Variants in ABCA8 observed in about 807,000 individuals in gnomAD.
The protein encoded by ABCA8 is ABC-type organic anion transporter ABCA8.
A neutral mutation model predicts 192.3 loss-of-function variants in ABCA8; 177 were observed. The ratio of observed to expected loss-of-function variants is 0.92; its 90% CI spans 0.81 to 1.04. The LOEUF (loss-of-function observed/expected upper bound fraction) is 1.04, where lower values mean the gene tolerates loss of function less well. ABCA8 is among the 50% of genes least tolerant of loss of function. The pLI, the probability that ABCA8 is intolerant of heterozygous loss-of-function variation, is 0.00. For missense variants in ABCA8, 1,915 were observed against 1,904.8 expected, an observed-to-expected ratio of 1.01 and a Z score of -0.10; for synonymous variants, 642 against 690.2, an observed-to-expected ratio of 0.93 and a Z score of 1.09.
intron 5 of ABCA8, among the ~76,000 whole-genome samples, chr17:68,935,552 ATATATATATATATATATT>A (rs1181336518): frequency 7.1e-6 from 1 of 140,704 alleles, no homozygotes; most frequent in Non-Finnish European, 1.5e-5. Context: ...ATATATATAT[ATATATATATATATATATT>A]ATCTTCTTTA....
chr17:68,936,434 A>AT (rs1262696892), intron 5 of ABCA8, among the ~76,000 whole-genome samples: 3 of 152,088 alleles, frequency 2.0e-5, no homozygotes, highest in South Asian at 2.1e-4. Flanking sequence ...ATTGAAAAGG[A>AT]TTTTTCCCCC....
At chr17:68,900,538 C>CAAA (rs35696026) in intron 21 of ABCA8, among the ~76,000 whole-genome samples, 38 of 108,848 alleles carry the variant, frequency 3.5e-4, no homozygotes, top group Non-Finnish European at 4.5e-4. Context: ...CACAAAGTCT[C>CAAA]AAAAAAAAAA....
chr17:68,945,056 A>G (rs1051135447), intron 2 of ABCA8: 1 of 152,260 alleles, frequency 6.6e-6, no homozygotes, highest in Non-Finnish European at 1.5e-5. Flanking sequence ...GCAAAAAGCT[A>G]TGGCAGTCTA....
chr17:68,916,679 G>A (rs2067374600), intron 17 of ABCA8, among the ~76,000 whole-genome samples: 1 of 152,078 alleles, frequency 6.6e-6, no homozygotes, highest in East Asian at 1.9e-4. Flanking sequence ...GAAAGAAGGG[G>A]AAGATCTAGA....
chr17:68,952,156 A>C (rs755549007), intron 1 of ABCA8, among the ~76,000 whole-genome samples: 3 of 152,212 alleles, frequency 2.0e-5, no homozygotes, highest in Non-Finnish European at 4.4e-5. Flanking sequence ...TCTTTTTACA[A>C]ACAAATGCCT....
chr17:68,928,560 C>T (rs1030646782), intron 9 of ABCA8, among the ~76,000 whole-genome samples: 4 of 152,136 alleles, frequency 2.6e-5, no homozygotes, highest in Admixed American at 2.6e-4. Flanking sequence ...TAATGGTTGA[C>T]ATTTCCATTT....
At chr17:68,887,890 A>ATATAT (rs1236034729) in intron 24 of ABCA8, among the ~76,000 whole-genome samples, 1 of 42,472 alleles carries the variant, frequency 2.4e-5, no homozygotes. Context: ...CCATATATAT[A>ATATAT]TATATATATA....
Position 68,902,795 on chromosome 17 carries a change from T to C in ABCA8, c.2682A>G (p.Glu894=), listed in dbSNP as rs1391290016. 1.2e-6 allele frequency: 2 copies of C among 1,613,668 alleles called. No homozygotes were observed. Among genetic ancestry groups the C allele is most frequent in the African/African-American group, 1.3e-5 (1 of 75,020 alleles). The change falls in exon 21 of 40, where the codon GAA becomes GAG. Residue 894 remains glutamate (E), a synonymous_variant. Coordinates refer to ENST00000586539, the MANE Select transcript of ABCA8 (RefSeq NM_001288985.2). ...VKIYQNSYTW[E]LSPHLYFLAP... ...CAAGGAAATACAAATGAGGAGAAAG[T>C]TCCCAGGTGTAACTGTTTTGATATA...
chr17:68,941,144 C>T (rs2068218967), intron 3 of ABCA8, among the ~76,000 whole-genome samples, 182 bp from the exon 4 acceptor site: 1 of 152,114 alleles, frequency 6.6e-6, no homozygotes, highest in Non-Finnish European at 1.5e-5. Flanking sequence ...GCATTGCTAG[C>T]TTAGTAATGA....
At chr17:68,913,325 C>G (rs2067270022) in intron 17 of ABCA8, among the ~76,000 whole-genome samples, 1 of 151,718 alleles carries the variant, frequency 6.6e-6, no homozygotes, top group African/African-American at 2.4e-5. Context: ...AACCTAACGA[C>G]ACTTCTTAAA....
intron 23 of ABCA8, 71 bp downstream of exon 23, chr17:68,894,102 G>T: frequency 6.6e-7 from 1 of 1,513,372 alleles, no homozygotes. Context: ...CAAGATTCCA[G>T]CACTTAAAAG....
At chr17:68,918,700 G>A (rs1326247041) in intron 14 of ABCA8, among the ~76,000 whole-genome samples, 154 bp from the exon 15 acceptor site, 2 of 152,136 alleles carry the variant, frequency 1.3e-5, no homozygotes, top group Admixed American at 1.3e-4. Context: ...TTGGGAGGCT[G>A]AGGCGGGCAG....
intron 2 of ABCA8, among the ~76,000 whole-genome samples, chr17:68,948,735 C>T (rs992497994): frequency 2.6e-5 from 4 of 152,136 alleles, no homozygotes; most frequent in Non-Finnish European, 5.9e-5. Flanking sequence ...TGCAGACGCT[C>T]TTTAGTTTAA....
At chr17:68,896,869 G>GA (rs1303254875) in intron 21 of ABCA8, among the ~76,000 whole-genome samples, 1 of 152,160 alleles carries the variant, frequency 6.6e-6, no homozygotes, top group Non-Finnish European at 1.5e-5. Flanking sequence ...TTGTGAAGAA[G>GA]AAAAAAGAAA....
intron 17 of ABCA8, among the ~76,000 whole-genome samples, chr17:68,908,670 G>A (rs1426804758): frequency 6.6e-6 from 1 of 152,096 alleles, no homozygotes; most frequent in Admixed American, 6.5e-5. Context: ...TCTATCCATT[G>A]AAAAATACCA....
intron 5 of ABCA8, among the ~76,000 whole-genome samples, chr17:68,935,164 G>A (rs1267141879): frequency 6.7e-6 from 1 of 148,564 alleles, no homozygotes; most frequent in East Asian, 2.0e-4. Context: ...GTGCAATCTC[G>A]GCTCACTGCA....
chr17:68,929,486 T>C (rs1031295398), intron 8 of ABCA8, 75 bp downstream of exon 8: 11 of 1,470,558 alleles, frequency 7.5e-6, no homozygotes, highest in Non-Finnish European at 7.4e-6. Flanking sequence ...AAAGGAGGCA[T>C]ACAGAGTAAT....
rs1208294278 is a variant in ABCA8, at chr17:68,894,879, C to T, written c.2898+1G>A. 1.2e-6 allele frequency: 2 copies of T among 1,611,304 alleles called. No homozygotes were observed. Among genetic ancestry groups the T allele is most frequent in the South Asian group, 1.1e-5 (1 of 90,478 alleles). On this transcript the variant is annotated splice_donor_variant, in intron 22 of 39. Transcript: ENST00000586539. LOFTEE classifies it high-confidence loss of function. The stretch of plus-strand genomic sequence containing the variant: ...AGAAAGATTATTAGAGACCTGCATA[C>T]CTTTTCATTACAACACACTGTGATG...
At position 68,902,809 on chromosome 17, in the gene ABCA8, T is replaced by A; in HGVS notation, c.2668A>T (p.Ser890Cys). 1 of 1,613,848 alleles carries A rather than the reference T, an allele frequency of 6.2e-7. No homozygotes were observed. Among genetic ancestry groups the A allele is most frequent in the South Asian group, 1.1e-5 (1 of 91,072 alleles). Reference protein sequence around the residue: ...EYTMVKIYQNSYTWELSPHLY... With the variant: ...EYTMVKIYQNCYTWELSPHLY... ...TGAGGAGAAAGTTCCCAGGTGTAAC[T>A]GTTTTGATATATTTTCACCATGGTA... Residue 890 changes from serine to cysteine, a missense_variant, in exon 21 of 40, where the codon AGT (serine) becomes TGT (cysteine). Ser to Cys is a moderately radical substitution (Grantham distance 112). Transcript: ENST00000586539.
Sources: gnomAD v4.1 joint callset for allele counts (sites outside exome capture counted in the v4.1 genomes callset) on GRCh38, gnomAD v4.1.1 for gene constraint, MANE v1.5 for transcripts, NCBI Gene and HGNC (gene_info 2026-07-23, HGNC 2026-07-21) for gene names.